KLHL2: variants seen among roughly 807,000 people sequenced by gnomAD.
KLHL2 encodes kelch like family member 2.
In KLHL2, 15 loss-of-function variants were observed where a neutral mutation model predicts 75.8. That is an observed-to-expected ratio of 0.20 (90% CI 0.13 to 0.30). The LOEUF (loss-of-function observed/expected upper bound fraction) is 0.30. Ranked by LOEUF, KLHL2 falls within the 10% of genes least tolerant of loss-of-function variation. KLHL2 has a pLI of 1.00. For missense variants in KLHL2, 381 were observed against 741.0 expected (o/e 0.51, Z 5.64); for synonymous variants, 214 against 251.9 (o/e 0.85, Z 1.42).
chr4:165,278,417 G>A (rs750834251), intron 5 of KLHL2: 3 of 1,414,086 alleles, frequency 2.1e-6, no homozygotes, highest in African/African-American at 1.4e-5. Context: ...TCGATTCATG[G>A]CATCCAAAAT....
At chr4:165,307,445 T>C (rs1745823639) in intron 9 of KLHL2, among the ~76,000 whole-genome samples, 2 of 152,260 alleles carry the variant, frequency 1.3e-5, no homozygotes, top group South Asian at 4.1e-4. Flanking sequence ...GATACAGTTA[T>C]CAAAACTAGA....
At chr4:165,274,277 C>T (rs972819524) in intron 5 of KLHL2, among the ~76,000 whole-genome samples, 10 of 151,954 alleles carry the variant, frequency 6.6e-5, no homozygotes, top group African/African-American at 2.4e-4. Context: ...TGCAGGACCT[C>T]GGGGTATTGT....
At chr4:165,245,871 C>G (rs1740218257) in intron 4 of KLHL2, among the ~76,000 whole-genome samples, 1 of 152,006 alleles carries the variant, frequency 6.6e-6, no homozygotes, top group Non-Finnish European at 1.5e-5. Flanking sequence ...CTTTTTTTCA[C>G]TGCCAGTATT....
intron 4 of KLHL2, among the ~76,000 whole-genome samples, chr4:165,240,658 A>G (rs1179056563): frequency 1.3e-5 from 2 of 151,880 alleles, no homozygotes; most frequent in Non-Finnish European, 2.9e-5. Flanking sequence ...ATTCTGGGGC[A>G]TTGTTTTCAA....
chr4:165,251,987 G>T (rs1353241706), intron 4 of KLHL2, among the ~76,000 whole-genome samples: 4 of 152,132 alleles, frequency 2.6e-5, no homozygotes, highest in African/African-American at 7.2e-5. Context: ...GTTACTTGTG[G>T]CTTTGTATTA....
intron 10 of KLHL2, 36 bp from the exon 11 acceptor site, chr4:165,311,428 A>G: frequency 6.9e-7 from 1 of 1,444,954 alleles, no homozygotes; most frequent in African/African-American, 1.4e-5. Context: ...GACATTTTTT[A>G]GAGAAGGAAA....
At chr4:165,258,110 T>G (rs1741330371) in intron 4 of KLHL2, among the ~76,000 whole-genome samples, 1 of 152,166 alleles carries the variant, frequency 6.6e-6, no homozygotes, top group African/African-American at 2.4e-5. Context: ...CCGCTTTACA[T>G]TTTTCCTAGA....
chr4:165,313,070 C>T (rs1746329272), intron 11 of KLHL2, among the ~76,000 whole-genome samples, 168 bp from the exon 12 acceptor site: 1 of 152,168 alleles, frequency 6.6e-6, no homozygotes, highest in African/African-American at 2.4e-5. Flanking sequence ...CCCCATCTGT[C>T]ACCATTAGGC....
chr4:165,244,610 T>C (rs1740096810), intron 4 of KLHL2, among the ~76,000 whole-genome samples: 1 of 152,134 alleles, frequency 6.6e-6, no homozygotes, highest in South Asian at 2.1e-4. Flanking sequence ...ATCTGATAAG[T>C]ACTCGGTCCT....
rs373150647 is a variant in KLHL2, at chr4:165,279,802, T to C, written c.545-14557T>C. ...GGCTGGCTAGCAGGCTACTGCGTTC[T>C]CTCTGCAGCTCATTTTCTGTCTTGG... On this transcript the variant is annotated intron_variant, in intron 5 of 14. Coordinates refer to ENST00000226725, the MANE Select transcript of KLHL2 (RefSeq NM_007246.4). 1.1e-3 allele frequency: 757 copies of C among 695,872 alleles called. 8 individuals are homozygous for C. The highest frequency in any genetic ancestry group is 5.4e-3 in the Middle Eastern group (14 of 2,572). 43.1% of individuals were successfully genotyped at this position (695,872 alleles called of 1,614,324 possible). A position where few individuals can be genotyped will look rare whatever the true frequency, so the allele number is the denominator to read the frequency against.
intron 5 of KLHL2, chr4:165,278,130 C>T: frequency 1.3e-6 from 2 of 1,543,224 alleles, no homozygotes; most frequent in Non-Finnish European, 1.8e-6. Flanking sequence ...TTCATCACAG[C>T]TTTCTTCCAT....
intron 7 of KLHL2, among the ~76,000 whole-genome samples, chr4:165,299,189 A>C (rs1745157480): frequency 6.6e-6 from 1 of 152,148 alleles, no homozygotes. Context: ...TTTGTCTTAA[A>C]GGTTAAAGAT....
chr4:165,283,167 A>G (rs539687447), intron 5 of KLHL2, among the ~76,000 whole-genome samples: 34 of 152,164 alleles, frequency 2.2e-4, no homozygotes, highest in Non-Finnish European at 4.1e-4. Flanking sequence ...TTTTGTGGAG[A>G]CACAGAACCA....
chr4:165,284,524 C>T (rs916550624), intron 5 of KLHL2, among the ~76,000 whole-genome samples: 14 of 152,264 alleles, frequency 9.2e-5, no homozygotes, highest in Non-Finnish European at 8.8e-5. Context: ...ACCATCTCGG[C>T]GTGGATTTCA....
At chr4:165,309,871 A>C (rs1315032557) in intron 9 of KLHL2, among the ~76,000 whole-genome samples, 1 of 152,200 alleles carries the variant, frequency 6.6e-6, no homozygotes, top group Non-Finnish European at 1.5e-5. Context: ...AAGCGTATGG[A>C]GTTTCATTCT....
chr4:165,274,774 G>A (rs1186812114), intron 5 of KLHL2, among the ~76,000 whole-genome samples: 4 of 152,190 alleles, frequency 2.6e-5, no homozygotes, highest in Non-Finnish European at 5.9e-5. Context: ...AAAATTAACA[G>A]TGTTCCATGG....
intron 7 of KLHL2, among the ~76,000 whole-genome samples, chr4:165,299,010 A>G (rs1189854222): frequency 1.4e-5 from 2 of 141,272 alleles, no homozygotes; most frequent in Admixed American, 1.6e-4. Context: ...CAGGCTAGGC[A>G]GTACAAGATT....
At chr4:165,275,447 A>T (rs909894079) in intron 5 of KLHL2, among the ~76,000 whole-genome samples, 1 of 152,162 alleles carries the variant, frequency 6.6e-6, no homozygotes. Context: ...TATGAATTTT[A>T]TTCAGTATTT....
chr4:165,253,909 G>A (rs1350280481), intron 4 of KLHL2, among the ~76,000 whole-genome samples: 3 of 152,300 alleles, frequency 2.0e-5, no homozygotes, highest in Non-Finnish European at 4.4e-5. Context: ...TTACAGTTTA[G>A]CATGTTAATG....
Sources: allele counts gnomAD v4.1 joint callset (sites outside exome capture counted in the v4.1 genomes callset), GRCh38; gene constraint gnomAD v4.1.1; transcripts MANE v1.5; gene names NCBI Gene and HGNC (gene_info 2026-07-23, HGNC 2026-07-21).